The following ODF2 variants were observed in gnomAD, a reference collection of about 807,000 sequenced individuals.
The protein encoded by ODF2 is outer dense fiber of sperm tails 2, also known as outer dense fiber protein 2.
A neutral mutation model predicts 110.2 loss-of-function variants in ODF2; 47 were observed. That is an observed-to-expected ratio of 0.43 (90% CI 0.34 to 0.54). ODF2 has a LOEUF of 0.54. ODF2 is among the 20% of genes least tolerant of loss of function. The pLI, the probability that ODF2 is intolerant of heterozygous loss-of-function variation, is 0.03. For synonymous variants in ODF2, 352 were observed against 397.7 expected, an observed-to-expected ratio of 0.89 and a Z score of 1.37; for missense variants, 812 against 1,054.5, an observed-to-expected ratio of 0.77 and a Z score of 3.19.
chr9:128,457,497 C>T, intron 2 of ODF2: 1 of 1,521,220 alleles, frequency 6.6e-7, no homozygotes, highest in Non-Finnish European at 8.8e-7. Flanking sequence ...CAGGGGTCCC[C>T]AGGGCAGGCT....
intron 19 of ODF2, among the ~76,000 whole-genome samples, 200 bp downstream of exon 19, chr9:128,498,775 C>T (rs1846073010): frequency 6.6e-6 from 1 of 152,240 alleles, no homozygotes. Flanking sequence ...TCTTGAGCCT[C>T]ACATAGGCTT....
At chr9:128,457,949 T>A (rs1021073538) in intron 2 of ODF2, among the ~76,000 whole-genome samples, 83 of 150,870 alleles carry the variant, frequency 5.5e-4, no homozygotes, top group Non-Finnish European at 7.2e-4. Context: ...ATATATTTTT[T>A]TTTTTTCCCC....
At chr9:128,479,896 G>A (rs912210802) in intron 8 of ODF2, among the ~76,000 whole-genome samples, 1 of 152,184 alleles carries the variant, frequency 6.6e-6, no homozygotes, top group Non-Finnish European at 1.5e-5. Context: ...TGAAAATGTT[G>A]TGGAGCTAGA....
chr9:128,499,819 A>G (rs1477559215), intron 20 of ODF2, among the ~76,000 whole-genome samples: 1 of 152,130 alleles, frequency 6.6e-6, no homozygotes, highest in Non-Finnish European at 1.5e-5. Flanking sequence ...TATGTTGCCC[A>G]TGCTGGTCTT....
intron 8 of ODF2, among the ~76,000 whole-genome samples, chr9:128,476,021 A>C (rs945652160): frequency 6.6e-5 from 10 of 152,012 alleles, no homozygotes; most frequent in Non-Finnish European, 1.2e-4. Flanking sequence ...ACTGAGTATA[A>C]TATCCTCTAG....
At chr9:128,457,359 G>C in exon 2 of ODF2, 1 of 1,612,282 alleles carries the variant, frequency 6.2e-7, no homozygotes, top group Non-Finnish European at 8.5e-7. Context: ...CCCCTGAGCA[G>C]AGCCTGCTGA....
chr9:128,473,239 G>C, intron 7 of ODF2, 197 bp downstream of exon 7: 1 of 985,316 alleles, frequency 1.0e-6, no homozygotes, highest in Non-Finnish European at 1.2e-6. Context: ...CTGGTCACCA[G>C]GGCCTCTGAG....
chr9:128,476,178 A>T (rs912325544), intron 8 of ODF2, among the ~76,000 whole-genome samples: 6 of 152,176 alleles, frequency 3.9e-5, no homozygotes, highest in Admixed American at 1.3e-4. Context: ...TATATTAGCA[A>T]ATATTGCAGA....
intron 4 of ODF2, among the ~76,000 whole-genome samples, chr9:128,466,748 C>T (rs545538443): frequency 2.0e-5 from 3 of 149,064 alleles, no homozygotes; most frequent in South Asian, 2.1e-4. Context: ...GAGGCCGAGG[C>T]GGGCGGATCA....
At chr9:128,499,099 G>A in exon 20 of ODF2, 2 of 1,614,218 alleles carry the variant, frequency 1.2e-6, no homozygotes, top group South Asian at 2.2e-5. Context: ...AAACGGAATT[G>A]AGCCAGCTGC....
Position 128,500,054 on chromosome 9 carries a change from TTC to T in ODF2, c.2302-10_2302-9del, listed in dbSNP as rs1314569139. On this transcript the variant is annotated splice_polypyrimidine_tract_variant and intron_variant, in intron 20 of 20. Coordinates refer to ENST00000604420, the Ensembl canonical transcript of ODF2. ...ACTGCACAGCGGGCCCATGCTCTGT[TTC>T]TCCTCGTTAGGCGGACCGCCGCTAC... The T allele has an allele frequency of 6.2e-7, 1 of 1,614,002 alleles. No homozygotes were observed. Among genetic ancestry groups the T allele is most frequent in the Non-Finnish European group, 8.5e-7 (1 of 1,179,996 alleles).
In ODF2 at chr9:128,492,675, T is replaced by C. The variant is rs778663695; in HGVS notation, c.1648-26T>C. 1.9e-6 allele frequency: 3 copies of C among 1,602,420 alleles called. No individual in the cohort carries two copies. The Admixed American group carries it at 5.0e-5, about 27-fold the overall frequency. ...CATCAAAACGTGGCTCTACCTAAGA[T>C]GAACCACAGTGTTGTTGGTCCCTAG... On this transcript the variant is annotated intron_variant, in intron 15 of 20. Transcript: ENST00000604420.
At chr9:128,468,367 A>G (rs372489118) in intron 4 of ODF2, among the ~76,000 whole-genome samples, 5 of 151,962 alleles carry the variant, frequency 3.3e-5, no homozygotes, top group African/African-American at 1.2e-4. Flanking sequence ...TTTCTTTATG[A>G]GTATTGTTAT....
exon 20 of ODF2, chr9:128,499,016 G>A (rs1441395666): frequency 2.5e-6 from 4 of 1,614,008 alleles, no homozygotes; most frequent in Non-Finnish European, 3.4e-6. Context: ...ACAAACCAAG[G>A]AGCACGCACT....
intron 14 of ODF2, among the ~76,000 whole-genome samples, chr9:128,492,155 G>A (rs957397054): frequency 6.6e-5 from 10 of 151,744 alleles, no homozygotes; most frequent in South Asian, 2.1e-4. Flanking sequence ...GTGAGCCACC[G>A]CGCCCGGCCT....
chr9:128,492,663 C>A, intron 15 of ODF2, 38 bp from the exon 16 acceptor site: 1 of 1,590,710 alleles, frequency 6.3e-7, no homozygotes, highest in Non-Finnish European at 8.6e-7. Flanking sequence ...CAAAACGTGG[C>A]TCTACCTAAG....
At chr9:128,484,670 C>T in intron 11 of ODF2, 31 bp from the exon 12 acceptor site, 2 of 1,550,878 alleles carry the variant, frequency 1.3e-6, no homozygotes, top group African/African-American at 1.4e-5. Flanking sequence ...TCTCTCTTCT[C>T]CCTCTCTTTC....
chr9:128,490,231 G>A (rs1844262789), intron 14 of ODF2, among the ~76,000 whole-genome samples: 1 of 151,962 alleles, frequency 6.6e-6, no homozygotes, highest in Admixed American at 6.6e-5. Flanking sequence ...TCTGTATAGT[G>A]TATTACAGTG....
chr9:128,456,493 G>C (rs1236535290), intron 1 of ODF2: 2 of 1,525,652 alleles, frequency 1.3e-6, no homozygotes, highest in Non-Finnish European at 8.8e-7. Flanking sequence ...TGGCTACCAC[G>C]GGGCTCTGCC....
Sources: gnomAD v4.1 joint callset for allele counts (sites outside exome capture counted in the v4.1 genomes callset) on GRCh38, gnomAD v4.1.1 for gene constraint, MANE v1.5 for transcripts, NCBI Gene and HGNC (gene_info 2026-07-23, HGNC 2026-07-21) for gene names.